NTRK3: variants seen among roughly 807,000 people sequenced by gnomAD.
NTRK3 encodes NT-3 growth factor receptor.
Under a neutral mutation model 91.7 loss-of-function variants are expected in NTRK3, and 24 were observed. That is an observed-to-expected ratio of 0.26 (90% CI 0.19 to 0.37). The LOEUF (loss-of-function observed/expected upper bound fraction) is 0.37. NTRK3 is among the 10% of genes least tolerant of loss of function. The pLI, the probability that NTRK3 is intolerant of heterozygous loss-of-function variation, is 1.00. For synonymous variants in NTRK3, 483 were observed against 404.0 expected (o/e 1.20, Z -2.34); for missense variants, 880 against 1,068.9 (o/e 0.82, Z 2.46).
intron 17 of NTRK3, among the ~76,000 whole-genome samples, chr15:87,918,445 C>T (rs1318261736): frequency 1.3e-5 from 2 of 152,184 alleles, no homozygotes; most frequent in Non-Finnish European, 2.9e-5. Flanking sequence ...CGTTCTAGAT[C>T]ATTCTTCTGG....
chr15:87,955,555 A>G (rs1419252335), intron 14 of NTRK3, among the ~76,000 whole-genome samples: 1 of 152,212 alleles, frequency 6.6e-6, no homozygotes, highest in Non-Finnish European at 1.5e-5. Context: ...AGAGAACCCT[A>G]CGAGGGGTTG....
intron 3 of NTRK3, among the ~76,000 whole-genome samples, chr15:88,193,374 C>A (rs1275026314): frequency 6.6e-6 from 1 of 152,092 alleles, no homozygotes; most frequent in African/African-American, 2.4e-5. Context: ...CTCAAGGGCC[C>A]CATATCCAGA....
intron 13 of NTRK3, among the ~76,000 whole-genome samples, chr15:88,033,387 T>C (rs192383841): frequency 2.3e-4 from 35 of 151,328 alleles, no homozygotes; most frequent in South Asian, 1.9e-3. Context: ...CTTGGCTCAC[T>C]GCAACCTCTA....
Position 88,027,983 on chromosome 15 carries a change from C to A in NTRK3, c.1585+4874G>T, listed in dbSNP as rs189058640. On this transcript the variant is annotated intron_variant, in intron 14 of 18. Transcript: ENST00000394480. ...GGGGCTAGGAAGAATTCACAAGAAG[C>A]GAGAAATGAAAGAGGTGTTAAAAGA... is the stretch of plus-strand genomic sequence containing the variant. 6.6e-5 allele frequency among the ~76,000 whole-genome samples: 10 copies of A among 151,588 alleles called. No homozygotes were observed. In the East Asian group the frequency reaches 1.9e-3, roughly 29 times the overall value.
intron 13 of NTRK3, among the ~76,000 whole-genome samples, chr15:88,115,954 C>G (rs2052017843): frequency 1.3e-5 from 2 of 151,906 alleles, no homozygotes; most frequent in Non-Finnish European, 2.9e-5. Flanking sequence ...CATTCCAGAT[C>G]AGGGGTGGGA....
intron 5 of NTRK3, among the ~76,000 whole-genome samples, chr15:88,169,452 G>A (rs545593955): frequency 1.3e-5 from 2 of 152,278 alleles, no homozygotes; most frequent in East Asian, 3.9e-4. Flanking sequence ...GAGCCACAGA[G>A]GCATCAGATA....
chr15:88,147,162 CA>C (rs2042960830), intron 6 of NTRK3, among the ~76,000 whole-genome samples, 172 bp downstream of exon 6: 1 of 152,108 alleles, frequency 6.6e-6, no homozygotes, highest in African/African-American at 2.4e-5. Flanking sequence ...CGAAGTCAAG[CA>C]AAAGGGTTAA....
intron 14 of NTRK3, among the ~76,000 whole-genome samples, chr15:88,028,038 AGTGAGG>A (rs1346431695): frequency 2.6e-5 from 4 of 152,058 alleles, no homozygotes; most frequent in Admixed American, 1.3e-4. Flanking sequence ...AAGGAGAGGG[AGTGAGG>A]GTGAGGAGGG....
Position 88,058,615 on chromosome 15 carries a change from A to G in NTRK3, c.1397-25570T>C, listed in dbSNP as rs542153750. Among the ~76,000 whole-genome samples the G allele has an allele frequency of 3.4e-3, 515 of 152,180 alleles. 1 individual carries two copies. The highest frequency in any genetic ancestry group is 0.012 in the South Asian group (58 of 4,820). ...CACCACTACCCTCCACCATGCCCCA[A>G]TGCCCGTTCCTGAGAACAGAACTAT... is the stretch of plus-strand genomic sequence containing the variant. On this transcript the variant is annotated intron_variant, in intron 13 of 18. Transcript: ENST00000394480.
intron 14 of NTRK3, among the ~76,000 whole-genome samples, chr15:87,989,742 G>T (rs1265739271): frequency 6.6e-6 from 1 of 152,036 alleles, no homozygotes; most frequent in Non-Finnish European, 1.5e-5. Flanking sequence ...AAGTAGCTGG[G>T]ATTACAGGTG....
intron 3 of NTRK3, among the ~76,000 whole-genome samples, chr15:88,202,602 C>G (rs2048398527): frequency 6.6e-6 from 1 of 152,188 alleles, no homozygotes; most frequent in African/African-American, 2.4e-5. Context: ...AGGGTGTGGC[C>G]AGTTGGGCCC....
chr15:88,189,537 C>T (rs2047219770), intron 3 of NTRK3, among the ~76,000 whole-genome samples: 1 of 152,038 alleles, frequency 6.6e-6, no homozygotes, highest in East Asian at 1.9e-4. Flanking sequence ...CTCTGCCTCC[C>T]AGGTTCAAGC....
At chr15:87,876,791 C>G in exon 19 of NTRK3, 2 of 793,486 alleles carry the variant, frequency 2.5e-6, no homozygotes, top group Non-Finnish European at 3.9e-6. Context: ...TTCCTTTTTT[C>G]AGTGTTGTAT....
intron 3 of NTRK3, among the ~76,000 whole-genome samples, chr15:88,250,615 C>T (rs1242674512): frequency 6.6e-6 from 1 of 152,118 alleles, no homozygotes; most frequent in Non-Finnish European, 1.5e-5. Flanking sequence ...TTATTCCCTC[C>T]TCACATTAAC....
chr15:88,082,023 C>G (rs1393630313), intron 13 of NTRK3, among the ~76,000 whole-genome samples: 1 of 152,144 alleles, frequency 6.6e-6, no homozygotes, highest in Non-Finnish European at 1.5e-5. Context: ...AAAGGTTCAC[C>G]TCCAGCACTT....
intron 13 of NTRK3, among the ~76,000 whole-genome samples, chr15:88,118,050 G>A (rs1170872074): frequency 6.6e-6 from 1 of 152,240 alleles, no homozygotes; most frequent in Non-Finnish European, 1.5e-5. Context: ...AGGAGCTGGG[G>A]CCGGGGATTT....
In NTRK3 at chr15:88,176,507, G is replaced by A. The variant is rs112872416; in HGVS notation, c.395+6911C>T. 4.4e-3 allele frequency among the ~76,000 whole-genome samples: 675 copies of A among 152,270 alleles called. 4 individuals carry two copies. The highest frequency in any genetic ancestry group is 0.016 in the African/African-American group (646 of 41,554). Reference sequence around the variant, plus strand: ...TAGAAGTGTGAGGATCCCTGGCTAGGTAAGACCCAAAGAAAGTAGACAGGA... The same window carrying A: ...TAGAAGTGTGAGGATCCCTGGCTAGATAAGACCCAAAGAAAGTAGACAGGA... On this transcript the variant is annotated intron_variant, in intron 5 of 18. Transcript: ENST00000394480.
chr15:87,930,645 G>A (rs934930222), intron 16 of NTRK3, among the ~76,000 whole-genome samples: 2 of 152,144 alleles, frequency 1.3e-5, no homozygotes, highest in African/African-American at 2.4e-5. Flanking sequence ...TGCGGGTTAT[G>A]GAGGCTGTGT....
intron 14 of NTRK3, among the ~76,000 whole-genome samples, chr15:87,950,288 G>A (rs1411668113): frequency 6.6e-6 from 1 of 152,220 alleles, no homozygotes; most frequent in Non-Finnish European, 1.5e-5. Flanking sequence ...GTGAACCGTA[G>A]AAGGGGAGAC....
Sources: allele counts gnomAD v4.1 joint callset (sites outside exome capture counted in the v4.1 genomes callset), GRCh38; gene constraint gnomAD v4.1.1; transcripts MANE v1.5; gene names NCBI Gene and HGNC (gene_info 2026-07-23, HGNC 2026-07-21).